Variants in ADAMTS12 observed in about 807,000 individuals in gnomAD.
ADAMTS12 encodes the protein ADAM metallopeptidase with thrombospondin type 1 motif 12.
ADAMTS12 carries 118 observed loss-of-function variants against 167.8 expected under a neutral mutation model. That is an observed-to-expected ratio of 0.70 (90% confidence interval 0.61 to 0.82). The LOEUF (loss-of-function observed/expected upper bound fraction) is 0.82, where lower values mean the gene tolerates loss of function less well. Among genes scored for constraint, ADAMTS12 ranks in the 40% least tolerant of loss-of-function variants. The pLI, the probability that ADAMTS12 is intolerant of heterozygous loss-of-function variation, is 0.00. For missense variants in ADAMTS12, 1,916 were observed against 1,998.8 expected (o/e 0.96, Z 0.79); for synonymous variants, 704 against 716.9 (o/e 0.98, Z 0.29).
intron 5 of ADAMTS12, among the ~76,000 whole-genome samples, chr5:33,672,240 C>T (rs930946844): frequency 1.8e-4 from 26 of 144,998 alleles, no homozygotes; most frequent in African/African-American, 6.4e-4. Flanking sequence ...CACATACATA[C>T]CACACCCACA....
At chr5:33,631,007 A>C (rs1739903178) in intron 12 of ADAMTS12, 94 bp from the exon 13 acceptor site, 6 of 1,462,814 alleles carry the variant, frequency 4.1e-6, no homozygotes, top group Non-Finnish European at 5.6e-6. Context: ...CCCAAGTGTC[A>C]TTTACTCTGG....
rs115106513 is a variant in ADAMTS12 at position 33,752,113 on chromosome 5, T to C, written c.490-565A>G. Among the ~76,000 whole-genome samples, 1,396 of 152,324 alleles carry C rather than the reference T, an allele frequency of 9.2e-3. 20 individuals carry two copies. Among genetic ancestry groups the C allele is most frequent in the African/African-American group, 0.032 (1,344 of 41,574 alleles). ...GGGGCCTACAGCAGAAAGCCCTCTG[T>C]CAGTTTCTAGGGAAAGGGGAATATT... is the stretch of plus-strand genomic sequence containing the variant. On this transcript the variant is annotated intron_variant, in intron 2 of 23. Transcript: ENST00000504830.
At chr5:33,716,061 T>A (rs1217054907) in intron 3 of ADAMTS12, among the ~76,000 whole-genome samples, 3 of 152,150 alleles carry the variant, frequency 2.0e-5, no homozygotes, top group Non-Finnish European at 4.4e-5. Context: ...AATTTTTGTG[T>A]CCTCACAAAA....
At chr5:33,882,349 G>C (rs1750476496) in intron 1 of ADAMTS12, among the ~76,000 whole-genome samples, 1 of 152,102 alleles carries the variant, frequency 6.6e-6, no homozygotes, top group African/African-American at 2.4e-5. Context: ...ATATGATAAG[G>C]AGATATGTCA....
intron 22 of ADAMTS12, 68 bp downstream of exon 22, chr5:33,545,991 C>A: frequency 2.6e-6 from 4 of 1,534,504 alleles, no homozygotes; most frequent in Non-Finnish European, 3.5e-6. Context: ...GCACAGGTAC[C>A]CTAGAACTTA....
Position 33,794,790 on chromosome 5 carries a change from G to A in ADAMTS12, c.490-43242C>T, listed in dbSNP as rs551286576. ...TTCCTCTATCTGCAAGGGGCCAGCG[G>A]GGGAGATCGCTGACTCCAGAACTTA... On this transcript the variant is annotated intron_variant, in intron 2 of 23. Coordinates refer to ENST00000504830, the MANE Select transcript of ADAMTS12 (RefSeq NM_030955.4). Among the ~76,000 whole-genome samples the A allele has an allele frequency of 3.9e-5, 6 of 152,234 alleles. No homozygotes were observed. The South Asian group carries it at 1.2e-3, about 32-fold the overall frequency.
chr5:33,643,710 C>T (rs1740553906), intron 9 of ADAMTS12, among the ~76,000 whole-genome samples: 1 of 152,170 alleles, frequency 6.6e-6, no homozygotes, highest in Non-Finnish European at 1.5e-5. Context: ...AGGGATAAAA[C>T]CTATTTTCTA....
intron 22 of ADAMTS12, among the ~76,000 whole-genome samples, chr5:33,543,036 A>C (rs1349093076): frequency 1.3e-5 from 2 of 152,226 alleles, no homozygotes; most frequent in African/African-American, 4.8e-5. Flanking sequence ...AAGGAGATAG[A>C]GATACAACAA....
At chr5:33,733,996 A>C (rs2112357439) in intron 3 of ADAMTS12, among the ~76,000 whole-genome samples, 2 of 117,038 alleles carry the variant, frequency 1.7e-5, no homozygotes, top group African/African-American at 6.9e-5. Flanking sequence ...ACACTTCCCC[A>C]CTACACACAC....
In ADAMTS12 at chr5:33,853,087, A is replaced by G. The variant is rs115553799; in HGVS notation, c.489+28032T>C. On this transcript the variant is annotated intron_variant, in intron 2 of 23. Transcript: ENST00000504830. ...TCTGCATGGGTACTGTCCTCCCGGA[A>G]CCGAGCAGGGAGCCTAATTCTTGTT... 7.2e-3 allele frequency among the ~76,000 whole-genome samples: 1,100 copies of G among 152,320 alleles called. 13 individuals carry two copies. Among genetic ancestry groups the G allele is most frequent in the African/African-American group, 0.025 (1,051 of 41,572 alleles).
chr5:33,745,595 ATGT>A (rs1000793923), intron 3 of ADAMTS12, among the ~76,000 whole-genome samples: 1 of 152,118 alleles, frequency 6.6e-6, no homozygotes, highest in Non-Finnish European at 1.5e-5. Flanking sequence ...AGACAAGCAG[ATGT>A]TGTGTTTCCT....
chr5:33,685,942 T>C (rs1742307694), intron 3 of ADAMTS12, among the ~76,000 whole-genome samples: 1 of 152,176 alleles, frequency 6.6e-6, no homozygotes, highest in Non-Finnish European at 1.5e-5. Flanking sequence ...AATGTCTCTG[T>C]GTAAGCCAAG....
intron 12 of ADAMTS12, among the ~76,000 whole-genome samples, chr5:33,634,134 A>T (rs548035616): frequency 1.8e-4 from 28 of 152,304 alleles, no homozygotes; most frequent in African/African-American, 6.3e-4. Flanking sequence ...CTAACTTGCT[A>T]AAAAGAATGA....
At chr5:33,594,229 C>T (rs1747797440) in intron 17 of ADAMTS12, among the ~76,000 whole-genome samples, 1 of 152,152 alleles carries the variant, frequency 6.6e-6, no homozygotes, top group Admixed American at 6.5e-5. Context: ...TTTCACTTGG[C>T]TCTCATTCTC....
At chr5:33,767,488 A>G (rs998110737) in intron 2 of ADAMTS12, among the ~76,000 whole-genome samples, 6 of 152,156 alleles carry the variant, frequency 3.9e-5, no homozygotes, top group African/African-American at 1.4e-4. Flanking sequence ...TTTTGTAGCC[A>G]TATAGAATGT....
At chr5:33,775,563 C>G (rs187060295) in intron 2 of ADAMTS12, among the ~76,000 whole-genome samples, 261 of 152,284 alleles carry the variant, frequency 1.7e-3, no homozygotes, top group Non-Finnish European at 1.7e-3. Context: ...TATGCATTTC[C>G]TCAGAGAAAC....
chr5:33,705,266 G>GGTGTGTGTGTGTGT (rs70964413), intron 3 of ADAMTS12, among the ~76,000 whole-genome samples: 1 of 143,914 alleles, frequency 6.9e-6, no homozygotes. Context: ...AGTATTCCAT[G>GGTGTGTGTGTGTGT]GTGTGTGTGT....
chr5:33,577,367 T>A (rs1746812525), intron 18 of ADAMTS12, among the ~76,000 whole-genome samples: 1 of 152,208 alleles, frequency 6.6e-6, no homozygotes, highest in Non-Finnish European at 1.5e-5. Context: ...CTCAACCATT[T>A]ATTCTTCACA....
chr5:33,722,346 G>T (rs1743836743), intron 3 of ADAMTS12, among the ~76,000 whole-genome samples: 1 of 152,132 alleles, frequency 6.6e-6, no homozygotes, highest in African/African-American at 2.4e-5. Context: ...CAATAATGAT[G>T]ATGGTAAACA....
Sources: allele counts gnomAD v4.1 joint callset (sites outside exome capture counted in the v4.1 genomes callset), GRCh38; gene constraint gnomAD v4.1.1; transcripts MANE v1.5; gene names NCBI Gene and HGNC (gene_info 2026-07-23, HGNC 2026-07-21).